The following CEP85L variants were observed in gnomAD, a reference collection of about 807,000 sequenced individuals.
CEP85L encodes centrosomal protein 85L.
CEP85L carries 60 observed loss-of-function variants against 100.3 expected under a neutral mutation model. That is an observed-to-expected ratio of 0.60 (90% CI 0.49 to 0.74). The LOEUF (loss-of-function observed/expected upper bound fraction) is 0.74, where lower values mean the gene tolerates loss of function less well. Among genes scored for constraint, CEP85L ranks in the 30% least tolerant of loss-of-function variants. The pLI is 0.00. For synonymous variants in CEP85L, 319 were observed against 322.7 expected, an observed-to-expected ratio of 0.99 and a Z score of 0.12; for missense variants, 973 against 936.2, an observed-to-expected ratio of 1.04 and a Z score of -0.51.
At chr6:118,709,532 C>CGTGTGTGTGTGT (rs1209782027) in intron 1 of CEP85L, among the ~76,000 whole-genome samples, 13,165 of 87,002 alleles carry the variant, frequency 0.15, 1,209 homozygotes, top group Non-Finnish European at 0.21. Flanking sequence ...CAACAATTGG[C>CGTGTGTGTGTGT]GTGTGTGTGT....
At chr6:118,648,441 T>C (rs553609233) in intron 1 of CEP85L, among the ~76,000 whole-genome samples, 1 of 152,178 alleles carries the variant, frequency 6.6e-6, no homozygotes, top group African/African-American at 2.4e-5. Context: ...TCTTCTGATT[T>C]TTAGAAAGTG....
intron 2 of CEP85L, 46 bp downstream of exon 2, chr6:118,632,407 C>A (rs45498103): frequency 1.4e-6 from 2 of 1,448,496 alleles, no homozygotes; most frequent in South Asian, 1.4e-5. Flanking sequence ...TGTACCACAA[C>A]CACTCTTCAA....
upstream of CEP85L, among the ~76,000 whole-genome samples, chr6:118,653,749 ATGTGTGTGTGTGTG>A (rs61103713): frequency 5.4e-5 from 8 of 148,270 alleles, no homozygotes; most frequent in African/African-American, 2.0e-4. Flanking sequence ...GACTCTGTGT[ATGTGTGTGTGTGTG>A]TGTGTGTGTG....
At position 118,639,363 on chromosome 6, in the gene CEP85L, T is replaced by C. The variant is rs554743246; in HGVS notation, c.74-6752A>G. Among the ~76,000 whole-genome samples the C allele has an allele frequency of 2.9e-4, 44 of 152,316 alleles. No homozygotes were observed. The South Asian group carries it at 5.2e-3, about 18-fold the overall frequency. ...AGATCTGTGAGCCCCTTACGGCATA[T>C]TAAATAAATTCAAACTCCTTAAGTT... On this transcript the variant is annotated intron_variant, in intron 1 of 12. Coordinates refer to ENST00000368491, the MANE Select transcript of CEP85L (RefSeq NM_001042475.3).
At chr6:118,609,591 T>C (rs577655332) in intron 2 of CEP85L, among the ~76,000 whole-genome samples, 1 of 152,186 alleles carries the variant, frequency 6.6e-6, no homozygotes, top group Admixed American at 6.6e-5. Context: ...ATTCCCTCCC[T>C]TTCAAGACCC....
At chr6:118,529,483 C>T (rs1009983194) in intron 3 of CEP85L, among the ~76,000 whole-genome samples, 12 of 151,812 alleles carry the variant, frequency 7.9e-5, no homozygotes, top group African/African-American at 2.9e-4. Flanking sequence ...TGGTGGGCAT[C>T]TGTAGTCCCA....
intron 3 of CEP85L, among the ~76,000 whole-genome samples, chr6:118,544,756 C>T (rs1370105977): frequency 6.6e-6 from 1 of 152,116 alleles, no homozygotes; most frequent in Non-Finnish European, 1.5e-5. Context: ...CTACCTCCCC[C>T]AAATGACCCC....
At chr6:118,692,517 A>G (rs1335549844) in intron 1 of CEP85L, among the ~76,000 whole-genome samples, 1 of 152,154 alleles carries the variant, frequency 6.6e-6, no homozygotes, top group Non-Finnish European at 1.5e-5. Context: ...TCAAGAAGAG[A>G]TGCTCTCTCA....
chr6:118,587,389 T>TG (rs1292711492), intron 2 of CEP85L, among the ~76,000 whole-genome samples: 1 of 152,118 alleles, frequency 6.6e-6, no homozygotes, highest in Non-Finnish European at 1.5e-5. Flanking sequence ...TTAAAAGTAG[T>TG]GGGGAAGAAC....
chr6:118,609,949 C>T (rs769784815), intron 2 of CEP85L, among the ~76,000 whole-genome samples: 1 of 151,586 alleles, frequency 6.6e-6, no homozygotes, highest in Non-Finnish European at 1.5e-5. Context: ...AATATCACTT[C>T]AGATAAGTCA....
chr6:118,535,084 T>C (rs1582997894), intron 3 of CEP85L, among the ~76,000 whole-genome samples: 1 of 152,212 alleles, frequency 6.6e-6, no homozygotes, highest in East Asian at 1.9e-4. Context: ...CACGTCCACA[T>C]AGAACCATAG....
intron 5 of CEP85L, 84 bp downstream of exon 5, chr6:118,511,214 A>T (rs1215418409): frequency 1.2e-6 from 1 of 845,830 alleles, no homozygotes; most frequent in Non-Finnish European, 1.9e-6. Flanking sequence ...AAGTTGATTT[A>T]AAATGTCCTT....
chr6:118,674,007 T>G (rs999127116), intron 1 of CEP85L, among the ~76,000 whole-genome samples: 2 of 152,168 alleles, frequency 1.3e-5, no homozygotes, highest in African/African-American at 2.4e-5. Context: ...ATGCAAAATT[T>G]AACACTAAAT....
intron 1 of CEP85L, among the ~76,000 whole-genome samples, chr6:118,643,531 T>C (rs191936648): frequency 7.8e-4 from 118 of 152,232 alleles, no homozygotes; most frequent in African/African-American, 2.8e-3. Flanking sequence ...ATAAAGCAAA[T>C]AAGTTTCATT....
intron 1 of CEP85L, among the ~76,000 whole-genome samples, chr6:118,690,640 CA>C (rs1304024950): frequency 6.6e-6 from 1 of 152,192 alleles, no homozygotes; most frequent in Non-Finnish European, 1.5e-5. Context: ...AACATAAATC[CA>C]AAGCTGCTGG....
chr6:118,571,392 ACAGATTTAAGTTTTAAAGGC>A (rs1779879866), intron 2 of CEP85L, among the ~76,000 whole-genome samples: 1 of 152,248 alleles, frequency 6.6e-6, no homozygotes, highest in Admixed American at 6.5e-5. Context: ...ATGGTTTCAG[ACAGATTTAAGTTTTAAAGGC>A]CAGAATATAA....
intron 12 of CEP85L, among the ~76,000 whole-genome samples, chr6:118,466,960 T>C (rs960703526): frequency 6.6e-6 from 1 of 152,090 alleles, no homozygotes; most frequent in African/African-American, 2.4e-5. Context: ...TCAATCATCA[T>C]CAACTTGAGT....
chr6:118,495,688 G>A (rs757673308), intron 5 of CEP85L, among the ~76,000 whole-genome samples: 7 of 152,186 alleles, frequency 4.6e-5, no homozygotes, highest in Non-Finnish European at 7.4e-5. Context: ...GTGAAGAGGT[G>A]ATCCTGCCTG....
intron 1 of CEP85L, among the ~76,000 whole-genome samples, chr6:118,650,573 C>G (rs1013302879): frequency 6.6e-6 from 1 of 152,218 alleles, no homozygotes; most frequent in South Asian, 2.1e-4. Flanking sequence ...CCTCCTCTTA[C>G]GCCGCAGGGG....
Sources: allele counts gnomAD v4.1 joint callset (sites outside exome capture counted in the v4.1 genomes callset), GRCh38; gene constraint gnomAD v4.1.1; transcripts MANE v1.5; gene names NCBI Gene and HGNC (gene_info 2026-07-23, HGNC 2026-07-21).